AKAP7: variants seen among roughly 807,000 people sequenced by gnomAD.
The protein encoded by AKAP7 is A kinase (PRKA) anchor protein 7.
In AKAP7, 39 loss-of-function variants were observed where a neutral mutation model predicts 39.5. The observed-to-expected ratio is 0.99, with a 90% CI of 0.76 to 1.29. The LOEUF (loss-of-function observed/expected upper bound fraction) is 1.29, where lower values mean the gene tolerates loss of function less well. AKAP7 is among the 50% of genes most tolerant of loss of function. AKAP7 has a pLI of 0.00. For synonymous variants in AKAP7, 140 were observed against 139.1 expected, an observed-to-expected ratio of 1.01 and a Z score of -0.05; for missense variants, 414 against 407.7, an observed-to-expected ratio of 1.02 and a Z score of -0.13.
At chr6:131,131,840 T>C (rs969042075), upstream of AKAP7, among the ~76,000 whole-genome samples, 20 of 152,028 alleles carry the variant, frequency 1.3e-4, no homozygotes, top group African/African-American at 4.6e-4. Context: ...GTGACAGCAG[T>C]AGGACAGTTC....
chr6:131,265,760 G>A (rs1473581457), intron 7 of AKAP7, among the ~76,000 whole-genome samples: 2 of 152,102 alleles, frequency 1.3e-5, no homozygotes, highest in African/African-American at 2.4e-5. Context: ...ATTTCACTTT[G>A]TCAGTTTTTA....
chr6:131,138,446 C>G (rs1163008382), intron 1 of AKAP7, among the ~76,000 whole-genome samples: 1 of 152,080 alleles, frequency 6.6e-6, no homozygotes, highest in Non-Finnish European at 1.5e-5. Flanking sequence ...AAGTTTTGTT[C>G]CACTTTTCCT....
At chr6:131,137,474 C>G (rs1171113990) in intron 1 of AKAP7, 1 of 152,462 alleles carries the variant, frequency 6.6e-6, no homozygotes, top group African/African-American at 2.4e-5. Flanking sequence ...CCTCCGCCTC[C>G]CAGCTTCAAG....
chr6:131,215,189 A>G (rs1809032024), intron 6 of AKAP7, among the ~76,000 whole-genome samples: 1 of 152,044 alleles, frequency 6.6e-6, no homozygotes, highest in South Asian at 2.1e-4. Context: ...CACTCCTTAT[A>G]TTTCCGCTGG....
intron 5 of AKAP7, among the ~76,000 whole-genome samples, chr6:131,180,814 TTTC>T (rs1299267231): frequency 5.6e-4 from 59 of 104,706 alleles, no homozygotes; most frequent in Admixed American, 1.6e-3. Context: ...GAGACACCAC[TTTC>T]TTTTTTTGTT....
intron 7 of AKAP7, among the ~76,000 whole-genome samples, chr6:131,235,055 C>T (rs146514670): frequency 6.6e-6 from 1 of 152,028 alleles, no homozygotes; most frequent in Non-Finnish European, 1.5e-5. Context: ...ATCCCTCCCC[C>T]ACTCCTCCCA....
chr6:131,145,754 A>G (rs1289219254), intron 2 of AKAP7, among the ~76,000 whole-genome samples: 1 of 152,040 alleles, frequency 6.6e-6, no homozygotes, highest in Non-Finnish European at 1.5e-5. Flanking sequence ...GGGTCTTGCC[A>G]TGTTGCCCAG....
chr6:131,138,503 G>C (rs908795383), intron 1 of AKAP7, among the ~76,000 whole-genome samples: 2 of 152,182 alleles, frequency 1.3e-5, no homozygotes, highest in African/African-American at 4.8e-5. Context: ...ATGGATGATA[G>C]ATAACCAGAG....
At chr6:131,136,154 T>C (rs1168047721) in intron 1 of AKAP7, among the ~76,000 whole-genome samples, 1 of 152,160 alleles carries the variant, frequency 6.6e-6, no homozygotes, top group East Asian at 1.9e-4. Context: ...CCTAGTAAAA[T>C]TTCGATTTTA....
At position 131,166,543 on chromosome 6, in the gene AKAP7, G is replaced by T. The variant is rs543298500; in HGVS notation, c.428+1326G>T. On this transcript the variant is annotated intron_variant, in intron 4 of 7. Coordinates refer to ENST00000431975, the MANE Select transcript of AKAP7 (RefSeq NM_016377.4). ...AGTCTGAAATCTTCAGGGCAGTCTG[G>T]AAGGGAAGAGTTGATGTCGTAGTCT... Among the ~76,000 whole-genome samples, 3 of 152,336 alleles carry T rather than the reference G, an allele frequency of 2.0e-5. No individual in the cohort carries two copies. In the East Asian group the frequency reaches 5.8e-4, roughly 29 times the overall value.
chr6:131,253,191 CTAATT>C, intron 7 of AKAP7: 2 of 1,263,616 alleles, frequency 1.6e-6, no homozygotes, highest in South Asian at 2.7e-5. Flanking sequence ...AGAAATAATT[CTAATT>C]TAATTGATTT....
intron 7 of AKAP7, among the ~76,000 whole-genome samples, chr6:131,274,211 T>C (rs1247410142): frequency 6.6e-6 from 1 of 152,198 alleles, no homozygotes; most frequent in Non-Finnish European, 1.5e-5. Context: ...GGTGTGATTT[T>C]CTTCACATTT....
At chr6:131,256,541 T>A (rs1366131135) in intron 7 of AKAP7, among the ~76,000 whole-genome samples, 1 of 152,130 alleles carries the variant, frequency 6.6e-6, no homozygotes, top group Non-Finnish European at 1.5e-5. Flanking sequence ...AGTAGAGCCA[T>A]TGACTGCCAT....
At position 131,163,003 on chromosome 6, in the gene AKAP7, T is replaced by TCA. The variant is rs937906490; in HGVS notation, c.292-2077_292-2076insAC. ...CGCACACATACACGCTCTTTCGCTCTCGCTCTCTCTCTCTCTCTGCTGCTG... is the reference window on the plus strand; with the variant it reads ...CGCACACATACACGCTCTTTCGCTCTCACGCTCTCTCTCTCTCTCTGCTGCTG... On this transcript the variant is annotated intron_variant, in intron 3 of 7. Coordinates refer to ENST00000431975, the MANE Select transcript of AKAP7 (RefSeq NM_016377.4). 5.0e-5 allele frequency among the ~76,000 whole-genome samples: 7 copies of TCA among 139,958 alleles called. 1 individual carries two copies. Among genetic ancestry groups the TCA allele is most frequent in the South Asian group, 5.5e-4 (2 of 3,622 alleles). 91.8% of individuals were successfully genotyped at this position (139,958 alleles called of 152,430 possible). A position where few individuals can be genotyped will look rare whatever the true frequency, so the allele number is the denominator to read the frequency against.
rs190470712 is a variant in AKAP7, at chr6:131,191,876, C to T, written c.590-7585C>T. On this transcript the variant is annotated intron_variant, in intron 5 of 7. Transcript: ENST00000431975. ...TTTTTTTTTTTTGAGACTTGGTCAA[C>T]TCTGTCACCCAGCTTAGCCTCCCAA... Among the ~76,000 whole-genome samples, 178 of 145,252 alleles carry T rather than the reference C, an allele frequency of 1.2e-3. 2 individuals carry two copies. Among genetic ancestry groups the T allele is most frequent in the Non-Finnish European group, 1.4e-3 (94 of 66,580 alleles).
At chr6:131,183,839 A>G (rs1010927160) in intron 5 of AKAP7, among the ~76,000 whole-genome samples, 2 of 152,110 alleles carry the variant, frequency 1.3e-5, no homozygotes, top group Admixed American at 6.5e-5. Context: ...TAAGTGACAC[A>G]GGGGCATGGA....
At chr6:131,190,657 A>AT (rs772082128) in intron 5 of AKAP7, among the ~76,000 whole-genome samples, 9 of 151,748 alleles carry the variant, frequency 5.9e-5, no homozygotes, top group Non-Finnish European at 1.3e-4. Flanking sequence ...AAAAAAAAAA[A>AT]GGAAAAAAAG....
intron 4 of AKAP7, among the ~76,000 whole-genome samples, chr6:131,167,223 T>C (rs1250936734): frequency 6.6e-6 from 1 of 152,144 alleles, no homozygotes; most frequent in Non-Finnish European, 1.5e-5. Flanking sequence ...TTTAAAATAT[T>C]TTGAAAGTTA....
chr6:131,179,901 A>G (rs1204909647), intron 5 of AKAP7, among the ~76,000 whole-genome samples: 1 of 150,930 alleles, frequency 6.6e-6, no homozygotes, highest in African/African-American at 2.5e-5. Flanking sequence ...ATAAATAATA[A>G]ATAAATAAAT....
Sources: gnomAD v4.1 joint callset for allele counts (sites outside exome capture counted in the v4.1 genomes callset) on GRCh38, gnomAD v4.1.1 for gene constraint, MANE v1.5 for transcripts, NCBI Gene and HGNC (gene_info 2026-07-23, HGNC 2026-07-21) for gene names.